Variants in ADGRL2 observed in about 807,000 individuals in gnomAD.
The protein encoded by ADGRL2 is adhesion G protein-coupled receptor L2, also known as calcium-independent alpha-latrotoxin receptor 2.
A neutral mutation model predicts 157.4 loss-of-function variants in ADGRL2; 44 were observed. The observed-to-expected ratio is 0.28, with a 90% CI of 0.22 to 0.36. ADGRL2 has a LOEUF of 0.36. ADGRL2 is among the 10% of genes least tolerant of loss of function. The pLI is 1.00. For synonymous variants in ADGRL2, 585 were observed against 624.7 expected, an observed-to-expected ratio of 0.94 and a Z score of 0.95; for missense variants, 1,510 against 1,768.9, an observed-to-expected ratio of 0.85 and a Z score of 2.63.
chr1:81,855,930 G>A (rs2093186717), intron 2 of ADGRL2, among the ~76,000 whole-genome samples: 1 of 152,188 alleles, frequency 6.6e-6, no homozygotes, highest in Non-Finnish European at 1.5e-5. Flanking sequence ...AGGCAATTTG[G>A]CAGATCGCTG....
intron 11 of ADGRL2, among the ~76,000 whole-genome samples, chr1:81,956,286 CA>C (rs1383236467): frequency 1.1e-4 from 17 of 152,128 alleles, no homozygotes; most frequent in African/African-American, 3.9e-4. Context: ...TGTGTTTTTC[CA>C]GTTGAAAAAT....
chr1:81,800,201 A>AAAC (rs2087831275), upstream of ADGRL2, among the ~76,000 whole-genome samples: 2 of 152,202 alleles, frequency 1.3e-5, no homozygotes, highest in African/African-American at 4.8e-5. Flanking sequence ...GTTTAATCAA[A>AAAC]AACAAACAAA....
intron 1 of ADGRL2, among the ~76,000 whole-genome samples, chr1:81,347,263 T>C (rs993080563): frequency 2.0e-5 from 3 of 151,788 alleles, no homozygotes; most frequent in African/African-American, 7.3e-5. Context: ...TAGCCAGGTG[T>C]GGTGGTGTGT....
intron 1 of ADGRL2, chr1:81,722,355 T>C (rs115420117): frequency 0.088 from 63,979 of 726,274 alleles, 3,167 homozygotes; most frequent in Non-Finnish European, 0.097. Context: ...AAGAAAGTGG[T>C]TGCTATTGAA....
At chr1:81,375,816 G>A (rs1272175232) in intron 1 of ADGRL2, among the ~76,000 whole-genome samples, 1 of 151,884 alleles carries the variant, frequency 6.6e-6, no homozygotes, top group Non-Finnish European at 1.5e-5. Context: ...GTGGCCTCAG[G>A]GATAAATTCA....
At chr1:81,377,989 G>A (rs766400747) in intron 1 of ADGRL2, among the ~76,000 whole-genome samples, 14 of 152,194 alleles carry the variant, frequency 9.2e-5, no homozygotes, top group Non-Finnish European at 1.9e-4. Flanking sequence ...GATCATCCTG[G>A]ACAACATGGT....
intron 2 of ADGRL2, among the ~76,000 whole-genome samples, chr1:81,496,117 G>T (rs2078724818): frequency 6.6e-6 from 1 of 152,086 alleles, no homozygotes; most frequent in African/African-American, 2.4e-5. Context: ...TAGACCAGTA[G>T]GAAGCAGATG....
At chr1:81,968,992 CAAT>C (rs1657941951) in intron 14 of ADGRL2, among the ~76,000 whole-genome samples, 183 bp from the exon 15 acceptor site, 1 of 152,086 alleles carries the variant, frequency 6.6e-6, no homozygotes, top group African/African-American at 2.4e-5. Context: ...GTATAAAAGA[CAAT>C]AATATTGAAC....
chr1:81,552,952 C>T (rs2080187223), intron 2 of ADGRL2, among the ~76,000 whole-genome samples: 1 of 152,116 alleles, frequency 6.6e-6, no homozygotes, highest in Admixed American at 6.6e-5. Context: ...ACAACAAAGA[C>T]TTACATTTCA....
intron 1 of ADGRL2, among the ~76,000 whole-genome samples, chr1:81,389,011 A>T (rs1011951399): frequency 6.6e-6 from 1 of 152,096 alleles, no homozygotes; most frequent in Admixed American, 6.6e-5. Flanking sequence ...CAGAAATCAA[A>T]AATACCCCTG....
intron 17 of ADGRL2, among the ~76,000 whole-genome samples, chr1:81,978,161 A>C (rs1660704741): frequency 6.6e-6 from 1 of 151,676 alleles, no homozygotes; most frequent in South Asian, 2.1e-4. Flanking sequence ...GCCTAATCAG[A>C]TATGTACTAT....
At chr1:81,808,705 G>A (rs1295108449) in intron 1 of ADGRL2, among the ~76,000 whole-genome samples, 1 of 151,970 alleles carries the variant, frequency 6.6e-6, no homozygotes, top group Non-Finnish European at 1.5e-5. Context: ...AATACATTTT[G>A]GCAATTCTTA....
At chr1:81,424,461 A>G (rs931374701) in intron 1 of ADGRL2, among the ~76,000 whole-genome samples, 5 of 152,240 alleles carry the variant, frequency 3.3e-5, no homozygotes, top group Non-Finnish European at 7.3e-5. Context: ...TGAAAAGCCA[A>G]TTGAGACTTC....
intron 3 of ADGRL2, chr1:81,596,150 C>A: frequency 2.2e-6 from 1 of 445,850 alleles, no homozygotes; most frequent in Non-Finnish European, 4.3e-6. Context: ...AAATAGTTGA[C>A]TTAAGCATCC....
intron 2 of ADGRL2, among the ~76,000 whole-genome samples, chr1:81,559,209 G>A (rs1279297234): frequency 1.3e-5 from 2 of 152,008 alleles, no homozygotes; most frequent in Non-Finnish European, 2.9e-5. Context: ...TTGTAAAGAT[G>A]GAATTAATAA....
intron 2 of ADGRL2, among the ~76,000 whole-genome samples, chr1:81,877,669 G>C (rs1011695495): frequency 2.0e-5 from 3 of 148,998 alleles, no homozygotes; most frequent in Admixed American, 1.4e-4. Context: ...TTTTGGGGAG[G>C]GGGGAGGTTG....
chr1:81,653,778 G>T (rs897975594), intron 3 of ADGRL2, among the ~76,000 whole-genome samples: 3 of 151,952 alleles, frequency 2.0e-5, no homozygotes, highest in African/African-American at 7.3e-5. Flanking sequence ...TTTAGATATG[G>T]TTGCTATATA....
At chr1:81,330,795 C>A (rs1310630262) in intron 1 of ADGRL2, among the ~76,000 whole-genome samples, 1 of 152,098 alleles carries the variant, frequency 6.6e-6, no homozygotes, top group East Asian at 1.9e-4. Flanking sequence ...CTGCACCAGG[C>A]AGAAGTGCAA....
intron 2 of ADGRL2, among the ~76,000 whole-genome samples, chr1:81,768,263 G>A (rs779470822): frequency 6.6e-6 from 1 of 151,942 alleles, no homozygotes; most frequent in Non-Finnish European, 1.5e-5. Flanking sequence ...GCCAGGGCTG[G>A]TCTTGAACTC....
Sources: allele counts gnomAD v4.1 joint callset (sites outside exome capture counted in the v4.1 genomes callset), GRCh38; gene constraint gnomAD v4.1.1; transcripts MANE v1.5; gene names NCBI Gene and HGNC (gene_info 2026-07-23, HGNC 2026-07-21).